KLHL3: variants seen among roughly 807,000 people sequenced by gnomAD.
The protein encoded by KLHL3 is kelch-like protein 3.
KLHL3 carries 19 observed loss-of-function variants against 70.5 expected under a neutral mutation model. That is an observed-to-expected ratio of 0.27 (90% CI 0.19 to 0.40). The LOEUF is 0.40. Among genes scored for constraint, KLHL3 ranks in the 10% least tolerant of loss-of-function variants. The probability of loss-of-function intolerance (pLI) is 1.00; values close to 1 mark genes in which losing one functional copy is unlikely to be tolerated. For missense variants in KLHL3, 512 were observed against 771.1 expected, an observed-to-expected ratio of 0.66 and a Z score of 3.98; for synonymous variants, 258 against 290.3, an observed-to-expected ratio of 0.89 and a Z score of 1.13.
intron 1 of KLHL3, among the ~76,000 whole-genome samples, chr5:137,727,390 C>T (rs1297554472): frequency 6.6e-6 from 1 of 152,172 alleles, no homozygotes; most frequent in Non-Finnish European, 1.5e-5. Flanking sequence ...TCCTCCCAGA[C>T]TCCAGAGGGA....
intron 1 of KLHL3, among the ~76,000 whole-genome samples, chr5:137,728,806 A>T (rs1193072483): frequency 1.3e-5 from 2 of 152,110 alleles, no homozygotes; most frequent in Non-Finnish European, 2.9e-5. Context: ...AGAAGGGAAC[A>T]ACAGACACTA....
chr5:137,636,248 A>G (rs991454488), intron 11 of KLHL3, among the ~76,000 whole-genome samples: 2 of 152,236 alleles, frequency 1.3e-5, no homozygotes, highest in Admixed American at 1.3e-4. Flanking sequence ...ACAGTGTGAG[A>G]AAAGAATCTT....
intron 12 of KLHL3, among the ~76,000 whole-genome samples, chr5:137,631,069 C>CAAAAAAAA (rs70979549): frequency 9.9e-4 from 105 of 105,704 alleles, no homozygotes; most frequent in Non-Finnish European, 1.4e-3. Context: ...TCCAAAAATA[C>CAAAAAAAA]AAAAAAAAAA....
intron 2 of KLHL3, among the ~76,000 whole-genome samples, chr5:137,716,394 CA>C (rs1365938894): frequency 6.6e-6 from 1 of 151,728 alleles, no homozygotes; most frequent in Non-Finnish European, 1.5e-5. Context: ...TTGTTTAAAA[CA>C]AGAGGAAACT....
At chr5:137,643,352 C>T (rs1482828532) in intron 8 of KLHL3, among the ~76,000 whole-genome samples, 2 of 101,526 alleles carry the variant, frequency 2.0e-5, no homozygotes, top group Non-Finnish European at 4.3e-5. Context: ...GAGACCCTGT[C>T]TCAAAAAAAA....
intron 5 of KLHL3, among the ~76,000 whole-genome samples, chr5:137,685,042 CA>C (rs1752129047): frequency 6.6e-6 from 1 of 152,202 alleles, no homozygotes; most frequent in South Asian, 2.1e-4. Flanking sequence ...TCAGCCCCCA[CA>C]AAGTTGTGCT....
In KLHL3 at chr5:137,639,806, C is replaced by A; in HGVS notation, c.1021+54G>T. The A allele has an allele frequency of 7.4e-7, 1 of 1,347,714 alleles. No homozygotes were observed. The highest frequency in any genetic ancestry group is 1.1e-6 in the Non-Finnish European group (1 of 938,336). The allele number at this position is 1,347,714 out of a possible 1,614,324, so 83.5% of individuals were successfully genotyped here. A position where few individuals can be genotyped will look rare whatever the true frequency, so the allele number is the denominator to read the frequency against. On this transcript the variant is annotated intron_variant, in intron 9 of 14. Coordinates refer to ENST00000309755, the MANE Select transcript of KLHL3 (RefSeq NM_017415.3). This position sits in a 1 kb window ranked among gnomAD's most constrained non-coding sequence, Gnocchi z 5.0. ...AAGGAGTAGCTCACGACTTCTGGCA[C>A]GGAGTGGGGACCAGCAGGGGAAAAA...
At chr5:137,633,494 T>C (rs1237022281) in intron 12 of KLHL3, among the ~76,000 whole-genome samples, 1 of 152,064 alleles carries the variant, frequency 6.6e-6, no homozygotes, top group Non-Finnish European at 1.5e-5. Flanking sequence ...GAAATCATTA[T>C]ATTAAAAAGA....
At chr5:137,710,465 A>G (rs1272823265) in intron 2 of KLHL3, among the ~76,000 whole-genome samples, 1 of 152,172 alleles carries the variant, frequency 6.6e-6, no homozygotes, top group Non-Finnish European at 1.5e-5. Flanking sequence ...TACTGTAATT[A>G]CCTTTCTGTT....
In KLHL3 at chr5:137,668,965, C is replaced by T. The variant is rs1032678587; in HGVS notation, c.637-6934G>A. On this transcript the variant is annotated intron_variant, in intron 6 of 14. Coordinates refer to ENST00000309755, the MANE Select transcript of KLHL3 (RefSeq NM_017415.3). The stretch of plus-strand genomic sequence containing the variant: ...GGTCTGAAGTCTCCCTAGAAACCTA[C>T]CCAGTTGAATTCTTCTTTCTGACCA... 7.8e-4 allele frequency among the ~76,000 whole-genome samples: 119 copies of T among 152,282 alleles called. 1 individual carries two copies. The highest frequency in any genetic ancestry group is 2.5e-3 in the African/African-American group (104 of 41,568).
At chr5:137,685,480 G>T (rs1260624853) in intron 5 of KLHL3, among the ~76,000 whole-genome samples, 1 of 152,222 alleles carries the variant, frequency 6.6e-6, no homozygotes, top group East Asian at 1.9e-4. Context: ...TATAAATTCT[G>T]TAAGGATACC....
chr5:137,725,926 C>T (rs1013983379), intron 1 of KLHL3, among the ~76,000 whole-genome samples: 1 of 152,238 alleles, frequency 6.6e-6, no homozygotes, highest in African/African-American at 2.4e-5. Context: ...ACATGTGAGA[C>T]AGTCAAGCTT....
At chr5:137,637,211 G>A in intron 11 of KLHL3, 83 bp downstream of exon 11, 1 of 1,097,992 alleles carries the variant, frequency 9.1e-7, no homozygotes, top group East Asian at 2.4e-5. Flanking sequence ...ACACGGTAGA[G>A]GAAGCACCAA....
chr5:137,663,239 T>C (rs1751530557), intron 6 of KLHL3, among the ~76,000 whole-genome samples: 1 of 151,790 alleles, frequency 6.6e-6, no homozygotes, highest in Non-Finnish European at 1.5e-5. Context: ...GTATTTTTAG[T>C]AGAGACGGGG....
chr5:137,647,640 G>A (rs749842262), intron 8 of KLHL3: 3 of 468,746 alleles, frequency 6.4e-6, no homozygotes, highest in Non-Finnish European at 8.9e-6. Context: ...GCGTGGGGCC[G>A]CAGGGCTAAC....
intron 6 of KLHL3, among the ~76,000 whole-genome samples, chr5:137,662,316 C>T (rs1469177193): frequency 6.6e-6 from 1 of 150,780 alleles, no homozygotes; most frequent in African/African-American, 2.4e-5. Flanking sequence ...AATGTAGAAT[C>T]ATCATGGTTC....
At chr5:137,727,757 C>A (rs528332627) in intron 1 of KLHL3, among the ~76,000 whole-genome samples, 1 of 152,284 alleles carries the variant, frequency 6.6e-6, no homozygotes, top group South Asian at 2.1e-4. Flanking sequence ...TTCCCCAGTT[C>A]TGTATTCCCA....
chr5:137,735,374 C>G (rs1753244676), intron 1 of KLHL3, among the ~76,000 whole-genome samples: 1 of 152,212 alleles, frequency 6.6e-6, no homozygotes, highest in Admixed American at 6.5e-5. Context: ...GCCAGGAAGT[C>G]CCTTCTTTCA....
chr5:137,735,576 C>A (rs1753248171), intron 1 of KLHL3, 57 bp downstream of exon 1: 1 of 1,381,360 alleles, frequency 7.2e-7, no homozygotes, highest in African/African-American at 1.4e-5. Flanking sequence ...GGCTGCACCG[C>A]AAGCACACAT....
Sources: allele counts gnomAD v4.1 joint callset (sites outside exome capture counted in the v4.1 genomes callset), GRCh38; gene constraint gnomAD v4.1.1; non-coding constraint Gnocchi (gnomAD v3.1); transcripts MANE v1.5; gene names NCBI Gene and HGNC (gene_info 2026-07-23, HGNC 2026-07-21).